The following CCSER1 variants were observed in gnomAD, a reference collection of about 807,000 sequenced individuals.
CCSER1 encodes the protein coiled-coil serine rich protein 1, also known as serine-rich coiled-coil domain-containing protein 1.
CCSER1 carries 41 observed loss-of-function variants against 82.0 expected under a neutral mutation model. That is an observed-to-expected ratio of 0.50 (90% CI 0.39 to 0.65). The LOEUF (loss-of-function observed/expected upper bound fraction) is 0.65. Among genes scored for constraint, CCSER1 ranks in the 30% least tolerant of loss-of-function variants. CCSER1 has a pLI of 0.00. For missense variants in CCSER1, 1,119 were observed against 1,064.2 expected, an observed-to-expected ratio of 1.05 and a Z score of -0.72; for synonymous variants, 414 against 383.9, an observed-to-expected ratio of 1.08 and a Z score of -0.92.
chr4:90,504,942 A>C (rs1324966620), intron 5 of CCSER1, among the ~76,000 whole-genome samples: 2 of 152,082 alleles, frequency 1.3e-5, no homozygotes, highest in African/African-American at 4.8e-5. Flanking sequence ...AATGCCAAAA[A>C]CTGAAACATC....
intron 3 of CCSER1, among the ~76,000 whole-genome samples, chr4:90,329,542 A>G (rs1332467240): frequency 6.6e-6 from 1 of 152,158 alleles, no homozygotes; most frequent in African/African-American, 2.4e-5. Context: ...TTCAGCCACA[A>G]CTAAAAATTC....
At chr4:90,783,856 T>C (rs893194672) in intron 7 of CCSER1, among the ~76,000 whole-genome samples, 1 of 152,228 alleles carries the variant, frequency 6.6e-6, no homozygotes, top group African/African-American at 2.4e-5. Context: ...CCAGCTGTAA[T>C]TGTAAGATTA....
chr4:90,853,910 C>A (rs1368382189), intron 8 of CCSER1, among the ~76,000 whole-genome samples: 1 of 152,052 alleles, frequency 6.6e-6, no homozygotes, highest in Non-Finnish European at 1.5e-5. Context: ...GAGGGGGATG[C>A]AGCCCACCTA....
chr4:91,566,727 T>C (rs912093205), intron 10 of CCSER1, among the ~76,000 whole-genome samples: 1 of 152,098 alleles, frequency 6.6e-6, no homozygotes, highest in Non-Finnish European at 1.5e-5. Context: ...GTGGGGTCAG[T>C]TGTAACATTT....
chr4:91,545,606 A>G (rs1169555570), intron 10 of CCSER1, among the ~76,000 whole-genome samples: 1 of 152,134 alleles, frequency 6.6e-6, no homozygotes, highest in Admixed American at 6.6e-5. Flanking sequence ...GCCTGTTTAT[A>G]AAAACAATTG....
intron 10 of CCSER1, among the ~76,000 whole-genome samples, chr4:91,492,738 T>G (rs1452977589): frequency 6.6e-6 from 1 of 152,038 alleles, no homozygotes; most frequent in Non-Finnish European, 1.5e-5. Flanking sequence ...TCATGAATAA[T>G]TTTCTGACTG....
At chr4:91,152,360 A>G (rs1224425185) in intron 10 of CCSER1, among the ~76,000 whole-genome samples, 2 of 152,164 alleles carry the variant, frequency 1.3e-5, no homozygotes, top group African/African-American at 2.4e-5. Context: ...TTTTGAGCCT[A>G]TGTGTGTCTC....
Position 91,022,014 on chromosome 4 carries a change from A to G in CCSER1, c.2173-63936A>G, listed in dbSNP as rs1312383951. Among the ~76,000 whole-genome samples, 4 of 151,864 alleles carry G rather than the reference A, an allele frequency of 2.6e-5. No individual in the cohort carries two copies. The South Asian group carries it at 8.3e-4, about 31-fold the overall frequency. The stretch of plus-strand genomic sequence containing the variant: ...CAGTTTATATTGAAACTTTTTTTTT[A>G]TTATACTTTATGTTTTAGGGTACAC... On this transcript the variant is annotated intron_variant, in intron 9 of 10. Coordinates refer to ENST00000509176, the MANE Select transcript of CCSER1 (RefSeq NM_001145065.2).
chr4:90,610,495 A>G (rs1310481352), intron 5 of CCSER1, among the ~76,000 whole-genome samples: 2 of 152,118 alleles, frequency 1.3e-5, no homozygotes, highest in African/African-American at 2.4e-5. Context: ...ATAAATAGAT[A>G]CATATGATAT....
At chr4:90,632,420 TC>T (rs1322231700) in intron 6 of CCSER1, among the ~76,000 whole-genome samples, 30 of 152,072 alleles carry the variant, frequency 2.0e-4, no homozygotes, top group African/African-American at 7.2e-4. Context: ...ACAACATAAA[TC>T]ATATTAATCT....
chr4:90,308,199 A>G, intron 1 of CCSER1, 45 bp from the exon 2 acceptor site: 2 of 1,295,270 alleles, frequency 1.5e-6, no homozygotes, highest in South Asian at 1.7e-5. Flanking sequence ...TATTATTTGT[A>G]GTTGAATTCT....
chr4:90,861,927 T>TATATATA (rs796104595), intron 8 of CCSER1, among the ~76,000 whole-genome samples: 49 of 74,436 alleles, frequency 6.6e-4, no homozygotes, highest in Admixed American at 4.9e-3. Context: ...TATATATATA[T>TATATATA]TTTTTTTTTC....
At chr4:91,417,830 G>C (rs1024888047) in intron 10 of CCSER1, among the ~76,000 whole-genome samples, 11 of 151,576 alleles carry the variant, frequency 7.3e-5, no homozygotes, top group Non-Finnish European at 1.5e-4. Context: ...TTGTGCACGT[G>C]TACCCTGGAA....
At chr4:91,581,205 C>A (rs185426958) in intron 10 of CCSER1, among the ~76,000 whole-genome samples, 11 of 151,714 alleles carry the variant, frequency 7.3e-5, no homozygotes, top group Admixed American at 5.9e-4. Context: ...AATGGCTAGT[C>A]CTTCTAATTT....
At chr4:90,674,830 G>C (rs1360384427) in intron 6 of CCSER1, among the ~76,000 whole-genome samples, 1 of 151,674 alleles carries the variant, frequency 6.6e-6, no homozygotes, top group Non-Finnish European at 1.5e-5. Context: ...TTACAGGAGG[G>C]GAACACATTG....
intron 1 of CCSER1, among the ~76,000 whole-genome samples, chr4:90,296,031 TA>T (rs1379823015): frequency 5.3e-5 from 8 of 152,072 alleles, no homozygotes; most frequent in Admixed American, 5.3e-4. Flanking sequence ...TCTTTACTAA[TA>T]AACATATATT....
chr4:91,305,758 A>G (rs939480631), intron 10 of CCSER1, among the ~76,000 whole-genome samples: 15 of 151,664 alleles, frequency 9.9e-5, no homozygotes, highest in African/African-American at 3.6e-4. Flanking sequence ...AAGAGGTTCA[A>G]TGGACTCATA....
intron 4 of CCSER1, among the ~76,000 whole-genome samples, chr4:90,446,949 G>T (rs2153576015): frequency 6.6e-6 from 1 of 152,112 alleles, no homozygotes; most frequent in South Asian, 2.1e-4. Context: ...CTTTTCTCTA[G>T]CTTACTATAT....
intron 10 of CCSER1, among the ~76,000 whole-genome samples, chr4:91,520,331 C>G (rs1760389891): frequency 6.6e-6 from 1 of 150,732 alleles, no homozygotes; most frequent in African/African-American, 2.4e-5. Context: ...CAGTGTTGAC[C>G]AGATTGGCCT....
Sources: gnomAD v4.1 joint callset for allele counts (sites outside exome capture counted in the v4.1 genomes callset) on GRCh38, gnomAD v4.1.1 for gene constraint, MANE v1.5 for transcripts, NCBI Gene and HGNC (gene_info 2026-07-23, HGNC 2026-07-21) for gene names.